Variants in PIP5K1A observed in about 807,000 individuals in gnomAD.
PIP5K1A encodes phosphatidylinositol-4-phosphate 5-kinase type 1 alpha.
Under a neutral mutation model 72.9 loss-of-function variants are expected in PIP5K1A, and 46 were observed. The observed-to-expected ratio is 0.63, with a 90% CI of 0.50 to 0.81. PIP5K1A has a LOEUF of 0.81. Among genes scored for constraint, PIP5K1A ranks in the 30% least tolerant of loss-of-function variants. PIP5K1A has a pLI of 0.00. For missense variants in PIP5K1A, 458 were observed against 706.1 expected, an observed-to-expected ratio of 0.65 and a Z score of 3.98; for synonymous variants, 228 against 255.1, an observed-to-expected ratio of 0.89 and a Z score of 1.01.
intron 1 of PIP5K1A, among the ~76,000 whole-genome samples, chr1:151,202,413 T>C (rs587775626): frequency 9.8e-4 from 149 of 152,342 alleles, no homozygotes; most frequent in Non-Finnish European, 1.6e-3. Context: ...TCCTGCCAAC[T>C]TCCTAATTCC....
chr1:151,239,771 G>A (rs748746053), intron 11 of PIP5K1A, among the ~76,000 whole-genome samples, 184 bp from the exon 12 acceptor site: 1 of 152,056 alleles, frequency 6.6e-6, no homozygotes, highest in South Asian at 2.1e-4. Flanking sequence ...CAGGTGATCC[G>A]CCCACCTCAG....
At chr1:151,208,718 G>GTTTTTT (rs1558240372) in intron 1 of PIP5K1A, among the ~76,000 whole-genome samples, 1 of 90,268 alleles carries the variant, frequency 1.1e-5, no homozygotes, top group Non-Finnish European at 2.2e-5. Context: ...GTAATGGTAC[G>GTTTTTT]CTTTTTTTTT....
At chr1:151,239,075 T>C (rs950273249) in intron 10 of PIP5K1A, 55 bp from the exon 11 acceptor site, 6 of 1,286,818 alleles carry the variant, frequency 4.7e-6, no homozygotes, top group Middle Eastern at 1.8e-4. Context: ...TATAAAGTTA[T>C]TAAGGTCATT....
chr1:151,212,071 C>T (rs587625690), intron 1 of PIP5K1A, among the ~76,000 whole-genome samples: 8 of 151,862 alleles, frequency 5.3e-5, no homozygotes, highest in East Asian at 1.9e-4. Flanking sequence ...AAGATCACGA[C>T]GCTGCACTCC....
chr1:151,245,635 A>G (rs930586257), intron 14 of PIP5K1A, among the ~76,000 whole-genome samples: 1 of 152,130 alleles, frequency 6.6e-6, no homozygotes, highest in Non-Finnish European at 1.5e-5. Context: ...TCCCAGGTTC[A>G]AGCGATTCTC....
intron 10 of PIP5K1A, among the ~76,000 whole-genome samples, chr1:151,238,795 TATC>T (rs981139822): frequency 2.0e-5 from 3 of 152,218 alleles, no homozygotes; most frequent in Non-Finnish European, 2.9e-5. Flanking sequence ...GGTTCAGTAT[TATC>T]ATCCAGTTTT....
At chr1:151,196,588 CTT>C (rs1684568062), upstream of PIP5K1A, among the ~76,000 whole-genome samples, 1 of 125,538 alleles carries the variant, frequency 8.0e-6, no homozygotes, top group South Asian at 2.6e-4. Flanking sequence ...GAGTTTCGCT[CTT>C]GTTGCCCAGG....
At position 151,201,080 on chromosome 1, in the gene PIP5K1A, C is replaced by T. The variant is rs188905652; in HGVS notation, c.85+1999C>T. On this transcript the variant is annotated intron_variant, in intron 1 of 15. Coordinates refer to ENST00000368888, the MANE Select transcript of PIP5K1A (RefSeq NM_001135638.2). ...CGATCTCCTGACCCTGTGATCCGCC[C>T]GCCTTGGCTTCCCAAAGTGCTGGGA... Among the ~76,000 whole-genome samples the T allele has an allele frequency of 1.6e-3, 237 of 152,278 alleles. 2 individuals are homozygous for T. In the East Asian group the frequency reaches 0.03, roughly 19 times the overall value.
chr1:151,203,419 C>T (rs587684796), intron 1 of PIP5K1A, among the ~76,000 whole-genome samples: 172 of 151,842 alleles, frequency 1.1e-3, no homozygotes, highest in African/African-American at 3.9e-3. Flanking sequence ...ATCCCAGCTA[C>T]TCAGGAGGCT....
At chr1:151,242,372 G>T in intron 13 of PIP5K1A, 66 bp from the exon 14 acceptor site, 1 of 1,603,592 alleles carries the variant, frequency 6.2e-7, no homozygotes, top group Non-Finnish European at 8.5e-7. Flanking sequence ...TTCTATCCAG[G>T]AAGCCTAGCT....
At chr1:151,225,115 G>C (rs1688916492) in intron 3 of PIP5K1A, among the ~76,000 whole-genome samples, 1 of 152,182 alleles carries the variant, frequency 6.6e-6, no homozygotes, top group Non-Finnish European at 1.5e-5. Flanking sequence ...TGAGAGGATT[G>C]CTTGAGGCCA....
At position 151,198,575 on chromosome 1, in the gene PIP5K1A, G is replaced by C. The variant is rs958243774; in HGVS notation, c.-422G>C. The stretch of plus-strand genomic sequence containing the variant: ...CGGATTTTTTGCTTGGCTACCCGGA[G>C]TGAAGCGGCCGGGTTGGGCGATTAA... On this transcript the variant is annotated 5_prime_UTR_variant, in exon 1 of 16. Coordinates refer to ENST00000368888, the MANE Select transcript of PIP5K1A (RefSeq NM_001135638.2). 1 of 202,528 alleles carries C rather than the reference G, an allele frequency of 4.9e-6. No individual in the cohort carries two copies. 12.5% of individuals were successfully genotyped at this position (202,528 alleles called of 1,614,324 possible).
chr1:151,224,190 G>A (rs1688784909), intron 1 of PIP5K1A, 55 bp from the exon 2 acceptor site: 6 of 1,492,994 alleles, frequency 4.0e-6, no homozygotes, highest in Non-Finnish European at 9.3e-7. Context: ...CAGTATGCTT[G>A]ACAGAGATGT....
intron 1 of PIP5K1A, among the ~76,000 whole-genome samples, chr1:151,207,857 G>C (rs946319440): frequency 8.9e-6 from 1 of 112,378 alleles, no homozygotes; most frequent in East Asian, 2.3e-4. Flanking sequence ...TAATAAATAT[G>C]TTGCTCCTTC....
At position 151,227,401 on chromosome 1, in the gene PIP5K1A, G is replaced by A; in HGVS notation, c.237+1G>A. The A allele has an allele frequency of 6.2e-7, 1 of 1,604,370 alleles. No homozygotes were observed. The highest frequency in any genetic ancestry group is 1.3e-5 in the African/African-American group (1 of 74,848). On this transcript the variant is annotated splice_donor_variant, in intron 4 of 15. Transcript: ENST00000368888. LOFTEE classifies it high-confidence loss of function. ...CTCAGGAGAGACAACATATAAAAAG[G>A]TGTGTCTGGATGAAACCGTCTCATC... is the stretch of plus-strand genomic sequence containing the variant.
chr1:151,197,417 C>G (rs1219678985), upstream of PIP5K1A, among the ~76,000 whole-genome samples: 3 of 150,474 alleles, frequency 2.0e-5, no homozygotes, highest in Non-Finnish European at 3.0e-5. Context: ...TAGCCTGGGA[C>G]TACAGGCGCC....
At position 151,238,278 on chromosome 1, in the gene PIP5K1A, T is replaced by C. The variant is rs1007786929; in HGVS notation, c.1229+13T>C. 6 of 1,531,786 alleles carry C rather than the reference T, an allele frequency of 3.9e-6. No individual in the cohort carries two copies. Among genetic ancestry groups the C allele is most frequent in the Non-Finnish European group, 5.4e-6 (6 of 1,105,078 alleles). 94.9% of individuals were successfully genotyped at this position (1,531,786 alleles called of 1,614,324 possible). A position where few individuals can be genotyped will look rare whatever the true frequency, so the allele number is the denominator to read the frequency against. ...TACAGTCTTACAGGTGAGGAGCATATGGATCCCAAATTAAGAGAGGGTGGA... is the reference window on the plus strand; with the variant it reads ...TACAGTCTTACAGGTGAGGAGCATACGGATCCCAAATTAAGAGAGGGTGGA... On this transcript the variant is annotated intron_variant, in intron 10 of 15. Transcript: ENST00000368888.
chr1:151,220,770 C>T lies in PIP5K1A; in HGVS notation c.86-3475C>T, dbSNP rs145423728. 4.5e-3 allele frequency among the ~76,000 whole-genome samples: 686 copies of T among 152,168 alleles called. 6 individuals are homozygous for T. The highest frequency in any genetic ancestry group is 0.016 in the African/African-American group (652 of 41,566). ...GCGTGAGCCACTTTACCTGGCCTAT[C>T]ACCTAGCTTTGATAACAGCATTTTG... is the stretch of plus-strand genomic sequence containing the variant. On this transcript the variant is annotated intron_variant, in intron 1 of 15. Transcript: ENST00000368888.
intron 4 of PIP5K1A, among the ~76,000 whole-genome samples, chr1:151,228,408 C>T (rs182239692): frequency 1.5e-3 from 225 of 152,288 alleles, no homozygotes; most frequent in Non-Finnish European, 2.5e-3. Flanking sequence ...CCTAAACCTT[C>T]CAAAGTGCTG....
Sources: allele counts gnomAD v4.1 joint callset (sites outside exome capture counted in the v4.1 genomes callset), GRCh38; gene constraint gnomAD v4.1.1; transcripts MANE v1.5; gene names NCBI Gene and HGNC (gene_info 2026-07-23, HGNC 2026-07-21).